The following NFATC2 variants were observed in gnomAD, a reference collection of about 807,000 sequenced individuals.
NFATC2 encodes the protein nuclear factor of activated T cells 2, also known as nuclear factor of activated T-cells, cytoplasmic 2.
NFATC2 carries 22 observed loss-of-function variants against 87.3 expected under a neutral mutation model. The observed-to-expected ratio is 0.25, with a 90% CI of 0.18 to 0.36. The LOEUF (loss-of-function observed/expected upper bound fraction) is 0.36. Among genes scored for constraint, NFATC2 ranks in the 10% least tolerant of loss-of-function variants. NFATC2 has a pLI of 1.00. For missense variants in NFATC2, 1,149 were observed against 1,259.1 expected (o/e 0.91, Z 1.32); for synonymous variants, 565 against 542.2 (o/e 1.04, Z -0.58).
rs143363548 is a variant in NFATC2, at chr20:51,435,124, A to G, written c.2032+64T>C. The G allele has an allele frequency of 3.8e-6, 6 of 1,585,480 alleles. No individual in the cohort carries two copies. In the African/African-American group the frequency reaches 8.1e-5, roughly 21 times the overall value. On this transcript the variant is annotated intron_variant, in intron 8 of 10. Transcript: ENST00000371564. ...TACCCGGCTAGGAGCAGACTTCAGG[A>G]GTCCTGAGCCCTGTGCCTGTACTGC...
rs201657371 is a variant in NFATC2, at chr20:51,432,505, G to C, written c.2284C>G (p.Leu762Val). ...AGGGCCGGCTGCTGATAGCCCAGCA[G>C]GCTGGGGCTCAGGCTCTTGCTCCGC... ...YQRSKSLSPS[L>V]LGYQQPALMA... is the part of the protein sequence containing the mutation. Residue 762 changes from leucine (L) to valine (V), a missense_variant, in exon 9 of 11, where the codon CTG becomes GTG. Around this residue, in one of 3 missense-constraint regions of NFATC2, gnomAD observed 581 missense variants for 649.7 expected, o/e 0.89. Coordinates refer to ENST00000371564, the MANE Select transcript of NFATC2 (RefSeq NM_012340.5). The surrounding 1 kb of genome is among the most constrained non-coding windows in gnomAD (Gnocchi z 4.6). The C allele has an allele frequency of 2.6e-4, 408 of 1,557,308 alleles. No individual in the cohort carries two copies. The highest frequency in any genetic ancestry group is 3.3e-4 in the Non-Finnish European group (383 of 1,153,032).
rs751323172 is a variant in NFATC2 at position 51,474,171 on chromosome 20, C to A, written c.1536-19G>T. On this transcript the variant is annotated intron_variant, in intron 4 of 10. Coordinates refer to ENST00000371564, the MANE Select transcript of NFATC2 (RefSeq NM_012340.5). ...GTCGATGCTGCCAGGATGTTAAGAA[C>A]CCCATTGTCACCAACTACCTTCAGG... 6.2e-7 allele frequency: 1 copy of A among 1,611,770 alleles called. No homozygotes were observed.
At chr20:51,520,791 G>A (rs1238612274) in intron 2 of NFATC2, among the ~76,000 whole-genome samples, 3 of 152,004 alleles carry the variant, frequency 2.0e-5, no homozygotes, top group African/African-American at 7.3e-5. Flanking sequence ...CTCCCGAGTA[G>A]CTGGGATTAC....
At chr20:51,498,062 T>C (rs1756425165) in intron 3 of NFATC2, among the ~76,000 whole-genome samples, 1 of 152,236 alleles carries the variant, frequency 6.6e-6, no homozygotes, top group Non-Finnish European at 1.5e-5. Flanking sequence ...ACGACTTCTG[T>C]TGGCCTCAAG....
chr20:51,441,430 G>C (rs917422773), intron 6 of NFATC2, among the ~76,000 whole-genome samples: 6 of 151,260 alleles, frequency 4.0e-5, no homozygotes, highest in Admixed American at 2.0e-4. Flanking sequence ...AAATGATAAA[G>C]TTTGGCCAGG....
intron 10 of NFATC2, 33 bp downstream of exon 10, chr20:51,398,610 A>G (rs1361921027): frequency 7.3e-6 from 11 of 1,503,604 alleles, no homozygotes; most frequent in Non-Finnish European, 8.1e-6. Flanking sequence ...ACACAGCTGG[A>G]AAACAAAAGG....
At chr20:51,495,496 G>A (rs1183452271) in intron 3 of NFATC2, among the ~76,000 whole-genome samples, 2 of 152,194 alleles carry the variant, frequency 1.3e-5, no homozygotes, top group Non-Finnish European at 2.9e-5. Context: ...CATCGTAAAT[G>A]CCCAAGAGAG....
At chr20:51,559,169 C>G (rs561765408) in intron 1 of NFATC2, among the ~76,000 whole-genome samples, 1 of 152,356 alleles carries the variant, frequency 6.6e-6, no homozygotes, top group South Asian at 2.1e-4. Context: ...GGCTTTGGAG[C>G]TGCCACACTG....
At chr20:51,528,118 G>C (rs1245217156) in intron 1 of NFATC2, among the ~76,000 whole-genome samples, 6 of 150,358 alleles carry the variant, frequency 4.0e-5, no homozygotes, top group Admixed American at 2.7e-4. Flanking sequence ...TCTTCCTGCA[G>C]ATATACTCTC....
intron 9 of NFATC2, among the ~76,000 whole-genome samples, chr20:51,410,141 C>T (rs761459359): frequency 6.7e-5 from 9 of 133,996 alleles, no homozygotes; most frequent in Middle Eastern, 8.1e-3. Context: ...ACTCGGGAGG[C>T]GGAGCTGGCA....
intron 6 of NFATC2, among the ~76,000 whole-genome samples, chr20:51,448,186 C>T (rs550149552): frequency 6.6e-6 from 1 of 152,136 alleles, no homozygotes; most frequent in Non-Finnish European, 1.5e-5. Flanking sequence ...ATTTCAACAG[C>T]GCTAAGTGCC....
intron 3 of NFATC2, among the ~76,000 whole-genome samples, chr20:51,488,169 G>A (rs142924107): frequency 2.1e-4 from 32 of 152,224 alleles, no homozygotes; most frequent in African/African-American, 6.0e-4. Flanking sequence ...AGTCATTCAC[G>A]CAGCAAAGTG....
Position 51,394,681 on chromosome 20 carries a change from G to A in NFATC2, c.*45-3230C>T, listed in dbSNP as rs73615384. The stretch of plus-strand genomic sequence containing the variant: ...GAACAGAACACAGAAGCTTAGAAAG[G>A]GATTGGGAAACTTCAGGTCACAGTC... On this transcript the variant is annotated intron_variant, in intron 10 of 10. Transcript: ENST00000371564. Among the ~76,000 whole-genome samples the A allele has an allele frequency of 1.2e-4, 17 of 142,952 alleles. No individual in the cohort carries two copies. The East Asian group carries it at 3.1e-3, about 26-fold the overall frequency. The allele number at this position is 142,952 out of a possible 152,430, so 93.8% of individuals were successfully genotyped here.
At chr20:51,478,743 T>C (rs1988973747) in intron 3 of NFATC2, among the ~76,000 whole-genome samples, 1 of 152,226 alleles carries the variant, frequency 6.6e-6, no homozygotes, top group South Asian at 2.1e-4. Flanking sequence ...CTCTGTGTGA[T>C]AGTCTAAGAG....
At chr20:51,500,386 C>T (rs1341325278) in intron 3 of NFATC2, among the ~76,000 whole-genome samples, 2 of 151,916 alleles carry the variant, frequency 1.3e-5, no homozygotes, top group Non-Finnish European at 2.9e-5. Context: ...TTAAGGCAAC[C>T]CAAGTTGAAG....
At chr20:51,414,177 C>A (rs1979690956) in intron 9 of NFATC2, among the ~76,000 whole-genome samples, 1 of 67,622 alleles carries the variant, frequency 1.5e-5, no homozygotes. Context: ...TTCCCATGTG[C>A]AAAGCCAGCC....
At chr20:51,525,488 G>A (rs2076528658) in intron 1 of NFATC2, among the ~76,000 whole-genome samples, 1 of 151,970 alleles carries the variant, frequency 6.6e-6, no homozygotes, top group Non-Finnish European at 1.5e-5. Context: ...AGGCACGTGG[G>A]GCTGCTTGGG....
chr20:51,411,754 C>T (rs1979295091), intron 9 of NFATC2, among the ~76,000 whole-genome samples: 1 of 152,068 alleles, frequency 6.6e-6, no homozygotes, highest in South Asian at 2.1e-4. Context: ...TCTTGCACTC[C>T]TGACCTCAAG....
Position 51,542,551 on chromosome 20 carries a change from G to A in NFATC2, c.-52C>T, listed in dbSNP as rs1411805874. On this transcript the variant is annotated 5_prime_UTR_variant, in exon 1 of 11. Coordinates refer to ENST00000371564, the MANE Select transcript of NFATC2 (RefSeq NM_012340.5). ...GCCGGGGGCGAGGGCGGGCGCGGCT[G>A]GCTCTGGGACCCCTCGCAGTGGGGC... 1.4e-5 allele frequency: 19 copies of A among 1,341,510 alleles called. No homozygotes were observed. The highest frequency in any genetic ancestry group is 3.2e-5 in the East Asian group (1 of 31,422). 83.1% of individuals were successfully genotyped at this position (1,341,510 alleles called of 1,614,324 possible). A position where few individuals can be genotyped will look rare whatever the true frequency, so the allele number is the denominator to read the frequency against.
Sources: gnomAD v4.1 joint callset for allele counts (sites outside exome capture counted in the v4.1 genomes callset) on GRCh38, gnomAD v4.1.1 for gene constraint, gnomAD v4.1.1 regional missense constraint, Gnocchi (gnomAD v3.1) non-coding constraint, MANE v1.5 for transcripts, NCBI Gene and HGNC (gene_info 2026-07-23, HGNC 2026-07-21) for gene names.